Variants in TTC39B observed in about 807,000 individuals in gnomAD.
TTC39B encodes tetratricopeptide repeat domain 39B.
Under a neutral mutation model 96.6 loss-of-function variants are expected in TTC39B, and 92 were observed. The observed-to-expected ratio is 0.95, with a 90% confidence interval of 0.80 to 1.13. The LOEUF (loss-of-function observed/expected upper bound fraction) is 1.13. TTC39B is among the 50% of genes most tolerant of loss of function. The pLI is 0.00. For missense variants in TTC39B, 955 were observed against 809.3 expected, an observed-to-expected ratio of 1.18 and a Z score of -2.18; for synonymous variants, 367 against 299.4, an observed-to-expected ratio of 1.23 and a Z score of -2.33.
At chr9:15,256,151 T>C (rs1338079179) in intron 2 of TTC39B, among the ~76,000 whole-genome samples, 2 of 152,178 alleles carry the variant, frequency 1.3e-5, no homozygotes. Flanking sequence ...ACAAAAAAGC[T>C]TGAGGGAGTC....
At chr9:15,227,082 G>A (rs1378826369) in intron 2 of TTC39B, among the ~76,000 whole-genome samples, 1 of 152,066 alleles carries the variant, frequency 6.6e-6, no homozygotes, top group Non-Finnish European at 1.5e-5. Context: ...CGAGGCAGGT[G>A]GATCACCCGA....
At chr9:15,261,796 T>C (rs1052870924) in intron 2 of TTC39B, among the ~76,000 whole-genome samples, 14 of 152,122 alleles carry the variant, frequency 9.2e-5, no homozygotes, top group Non-Finnish European at 1.8e-4. Flanking sequence ...TATTTACTCT[T>C]CACATGCCAT....
chr9:15,193,176 C>T (rs1299748670), intron 8 of TTC39B, among the ~76,000 whole-genome samples: 2 of 152,232 alleles, frequency 1.3e-5, no homozygotes, highest in East Asian at 3.8e-4. Context: ...CAGACTGAAA[C>T]AAGAAAGCAA....
chr9:15,186,914 C>G (rs778665696), intron 15 of TTC39B, 30 bp downstream of exon 15: 5 of 1,597,800 alleles, frequency 3.1e-6, no homozygotes, highest in Admixed American at 1.7e-5. Flanking sequence ...ACCCTCAGAG[C>G]CTTTGTTATA....
intron 19 of TTC39B, 134 bp from the exon 20 acceptor site, chr9:15,172,243 A>C: frequency 2.5e-4 from 117 of 465,012 alleles, no homozygotes; most frequent in East Asian, 5.6e-4. Flanking sequence ...TCTTAGTAAA[A>C]TGCAGATTCT....
chr9:15,251,733 A>ATATATG (rs1444037228), intron 2 of TTC39B, among the ~76,000 whole-genome samples: 1 of 124,390 alleles, frequency 8.0e-6, no homozygotes, highest in Non-Finnish European at 1.7e-5. Flanking sequence ...ATATATATAT[A>ATATATG]TATGTAGTAT....
chr9:15,181,896 G>A (rs192508057), intron 17 of TTC39B, among the ~76,000 whole-genome samples: 7 of 152,206 alleles, frequency 4.6e-5, no homozygotes, highest in Admixed American at 4.6e-4. Context: ...TATTCACAGA[G>A]TTGTACAGCC....
At chr9:15,226,475 G>A (rs1057167592) in intron 2 of TTC39B, among the ~76,000 whole-genome samples, 13 of 152,146 alleles carry the variant, frequency 8.5e-5, no homozygotes, top group African/African-American at 3.1e-4. Flanking sequence ...ACATGCTGCT[G>A]ACTGGAAATA....
At chr9:15,207,215 C>T (rs2131333575) in intron 6 of TTC39B, among the ~76,000 whole-genome samples, 1 of 152,268 alleles carries the variant, frequency 6.6e-6, no homozygotes, top group Non-Finnish European at 1.5e-5. Context: ...TGGACTAATA[C>T]ATTCCACCTC....
chr9:15,231,751 A>G (rs1821434579), intron 2 of TTC39B, among the ~76,000 whole-genome samples: 1 of 152,254 alleles, frequency 6.6e-6, no homozygotes, highest in African/African-American at 2.4e-5. Context: ...AAGCTAGTCC[A>G]TATTTAAAAC....
At chr9:15,181,661 C>T (rs1400949291) in intron 17 of TTC39B, among the ~76,000 whole-genome samples, 1 of 152,174 alleles carries the variant, frequency 6.6e-6, no homozygotes, top group Admixed American at 6.5e-5. Context: ...ACCTTGAAAA[C>T]TATTCCCTGT....
At chr9:15,241,038 T>C (rs1822015514) in intron 2 of TTC39B, among the ~76,000 whole-genome samples, 1 of 152,204 alleles carries the variant, frequency 6.6e-6, no homozygotes, top group Non-Finnish European at 1.5e-5. Context: ...AGCTAAGAGA[T>C]GGCGCTCTCA....
intron 2 of TTC39B, among the ~76,000 whole-genome samples, chr9:15,247,139 T>G (rs773746855): frequency 6.6e-6 from 1 of 152,172 alleles, no homozygotes; most frequent in African/African-American, 2.4e-5. Context: ...ATGAAATATG[T>G]CACAGGAGAG....
chr9:15,239,328 T>A (rs1196175052), intron 2 of TTC39B, among the ~76,000 whole-genome samples: 28 of 152,204 alleles, frequency 1.8e-4, no homozygotes, highest in Admixed American at 1.8e-3. Context: ...GAACAAACGT[T>A]GCTTCAACCT....
At position 15,199,847 on chromosome 9, in the gene TTC39B, A is replaced by T. The variant is rs750183734; in HGVS notation, c.824+14T>A. On this transcript the variant is annotated intron_variant, in intron 8 of 19. Coordinates refer to ENST00000512701, the Ensembl canonical transcript of TTC39B. ...CAAAATTATTTACAAACCACATCTT[A>T]CTTTTTAACTTACTTATATATTTGG... 1.4e-6 allele frequency: 2 copies of T among 1,446,690 alleles called. No homozygotes were observed. Among genetic ancestry groups the T allele is most frequent in the South Asian group, 2.4e-5 (2 of 84,592 alleles). 89.6% of individuals were successfully genotyped at this position (1,446,690 alleles called of 1,614,324 possible).
intron 2 of TTC39B, among the ~76,000 whole-genome samples, chr9:15,237,610 T>G (rs989993235): frequency 7.0e-6 from 1 of 142,018 alleles, no homozygotes; most frequent in East Asian, 2.1e-4. Flanking sequence ...AGCAGACCAA[T>G]AATAAGTAAG....
chr9:15,284,411 G>A (rs1361767542), intron 1 of TTC39B, among the ~76,000 whole-genome samples: 1 of 152,092 alleles, frequency 6.6e-6, no homozygotes, highest in African/African-American at 2.4e-5. Context: ...ATGTACCACG[G>A]TTTCATGTAC....
chr9:15,192,742 A>T, intron 8 of TTC39B, 47 bp from the exon 9 acceptor site: 1 of 1,286,436 alleles, frequency 7.8e-7, no homozygotes, highest in Non-Finnish European at 1.1e-6. Flanking sequence ...CATGACTCTG[A>T]AAATAAATAT....
intron 1 of TTC39B, among the ~76,000 whole-genome samples, chr9:15,280,534 T>A (rs1360145224): frequency 6.6e-6 from 1 of 152,130 alleles, no homozygotes; most frequent in Non-Finnish European, 1.5e-5. Flanking sequence ...AAGGGAGAAA[T>A]AACACTAAGA....
Sources: gnomAD v4.1 joint callset for allele counts (sites outside exome capture counted in the v4.1 genomes callset) on GRCh38, gnomAD v4.1.1 for gene constraint, MANE v1.5 for transcripts, NCBI Gene and HGNC (gene_info 2026-07-23, HGNC 2026-07-21) for gene names.